The following PDE5A variants were observed in gnomAD, a reference collection of about 807,000 sequenced individuals.
PDE5A encodes the protein cGMP-specific 3',5'-cyclic phosphodiesterase.
A neutral mutation model predicts 110.2 loss-of-function variants in PDE5A; 67 were observed. The observed-to-expected ratio is 0.61, with a 90% confidence interval of 0.50 to 0.75. PDE5A has a LOEUF of 0.75. PDE5A is among the 30% of genes least tolerant of loss of function. The pLI, the probability that PDE5A is intolerant of heterozygous loss-of-function variation, is 0.00. For synonymous variants in PDE5A, 328 were observed against 351.2 expected (o/e 0.93, Z 0.74); for missense variants, 862 against 1,045.1 (o/e 0.82, Z 2.42).
rs148963019 is a variant in PDE5A, at chr4:119,541,088, G to T, written c.1572+1371C>A. On this transcript the variant is annotated intron_variant, in intron 10 of 20. Coordinates refer to ENST00000354960, the MANE Select transcript of PDE5A (RefSeq NM_001083.4). ...GGGAAGGGAAGTGCAGAGGAGTGCG[G>T]TGGGAATGGATGGAGTGATAATGGT... Among the ~76,000 whole-genome samples, 7 of 152,192 alleles carry T rather than the reference G, an allele frequency of 4.6e-5. No homozygotes were observed. The East Asian group carries it at 1.4e-3, about 29-fold the overall frequency.
At chr4:119,620,349 C>G (rs13122502) in intron 1 of PDE5A, among the ~76,000 whole-genome samples, 148,764 of 152,300 alleles carry the variant, frequency 0.98, 72,752 homozygotes, top group East Asian at 1. Context: ...CATCTGAGAA[C>G]CTTAAAATGC....
chr4:119,607,990 T>C (rs1309744512), intron 1 of PDE5A, among the ~76,000 whole-genome samples: 3 of 152,210 alleles, frequency 2.0e-5, no homozygotes, highest in Non-Finnish European at 2.9e-5. Context: ...GTTCTGAAGT[T>C]AAATATTTGA....
At chr4:119,582,261 T>C (rs1185814669) in intron 3 of PDE5A, among the ~76,000 whole-genome samples, 1 of 152,216 alleles carries the variant, frequency 6.6e-6, no homozygotes, top group African/African-American at 2.4e-5. Context: ...ACAGCAGGGA[T>C]AGAGTCCATC....
At chr4:119,588,528 TAAAA>T (rs35632964) in intron 3 of PDE5A, among the ~76,000 whole-genome samples, 29 of 139,672 alleles carry the variant, frequency 2.1e-4, no homozygotes, top group Admixed American at 2.8e-4. Flanking sequence ...TTTGCTTCAT[TAAAA>T]AAAAAAAAAA....
At chr4:119,560,799 A>C (rs542646357) in intron 6 of PDE5A, among the ~76,000 whole-genome samples, 88 of 145,694 alleles carry the variant, frequency 6.0e-4, no homozygotes, top group Middle Eastern at 3.5e-3. Flanking sequence ...AATAACTGTG[A>C]AAATTTTAAC....
Position 119,537,635 on chromosome 4 carries a change from C to A in PDE5A, c.1632+1325G>T, listed in dbSNP as rs575147726. On this transcript the variant is annotated intron_variant, in intron 11 of 20. Coordinates refer to ENST00000354960, the MANE Select transcript of PDE5A (RefSeq NM_001083.4). ...TCTGCATTCTCTCCCAATTGATGCACCCCTATGATTTCACTACCATGGGAT... is the reference window on the plus strand; with the variant it reads ...TCTGCATTCTCTCCCAATTGATGCAACCCTATGATTTCACTACCATGGGAT... Among the ~76,000 whole-genome samples, 7 of 147,942 alleles carry A rather than the reference C, an allele frequency of 4.7e-5. No individual in the cohort carries two copies. The South Asian group carries it at 8.3e-4, about 18-fold the overall frequency.
chr4:119,557,710 G>A (rs1727590988), intron 7 of PDE5A, among the ~76,000 whole-genome samples: 1 of 152,114 alleles, frequency 6.6e-6, no homozygotes, highest in Admixed American at 6.5e-5. Flanking sequence ...TACAGATGAA[G>A]AAACTGAGGC....
At chr4:119,530,043 T>C (rs1310445910) in intron 11 of PDE5A, among the ~76,000 whole-genome samples, 1 of 152,156 alleles carries the variant, frequency 6.6e-6, no homozygotes, top group Non-Finnish European at 1.5e-5. Context: ...GTGATTCTGA[T>C]GAATGCTGAA....
intron 14 of PDE5A, among the ~76,000 whole-genome samples, chr4:119,514,394 C>T (rs746362409): frequency 6.6e-6 from 1 of 152,086 alleles, no homozygotes; most frequent in African/African-American, 2.4e-5. Flanking sequence ...TCTCTAACAA[C>T]CTCTTTGTAA....
intron 14 of PDE5A, chr4:119,512,870 T>C (rs182132591): frequency 1.3e-4 from 20 of 152,146 alleles, no homozygotes; most frequent in Middle Eastern, 3.4e-3. Context: ...GCTGGAGATA[T>C]AGATTTGGAA....
At chr4:119,531,159 C>T (rs930400000) in intron 11 of PDE5A, among the ~76,000 whole-genome samples, 12 of 152,146 alleles carry the variant, frequency 7.9e-5, no homozygotes, top group Admixed American at 2.0e-4. Context: ...ACTGGTTATA[C>T]ATTATGAATA....
chr4:119,565,440 C>T (rs202068257), intron 4 of PDE5A, 30 bp from the exon 5 acceptor site: 68 of 1,477,110 alleles, frequency 4.6e-5, no homozygotes, highest in Non-Finnish European at 5.4e-5. Flanking sequence ...CAAATAAAAA[C>T]GGTACATAAA....
At position 119,602,124 on chromosome 4, in the gene PDE5A, A is replaced by G. The variant is rs115233548; in HGVS notation, c.741+4585T>C. ...TGTTAATAGTCTTGTATCAGATTAG[A>G]TAATAGTATTCTATCAATATAAAAT... On this transcript the variant is annotated intron_variant, in intron 2 of 20. Transcript: ENST00000354960. 5.8e-3 allele frequency among the ~76,000 whole-genome samples: 878 copies of G among 152,256 alleles called. 8 individuals carry two copies. Among genetic ancestry groups the G allele is most frequent in the Non-Finnish European group, 7.7e-3 (521 of 68,022 alleles).
At position 119,494,912 on chromosome 4, in the gene PDE5A, T is replaced by G. The variant is rs1211691455; in HGVS notation, c.*3689A>C. Reference sequence around the variant, plus strand: ...CTTTAATACTTTCTTCTTCACTCTCTGTAGTAGAGCAGAAGGGGTCCAAAA... The same window carrying G: ...CTTTAATACTTTCTTCTTCACTCTCGGTAGTAGAGCAGAAGGGGTCCAAAA... On this transcript the variant is annotated 3_prime_UTR_variant, in exon 21 of 21. Transcript: ENST00000354960. 6.6e-6 allele frequency: 1 copy of G among 152,602 alleles called. No individual in the cohort carries two copies. Among genetic ancestry groups the G allele is most frequent in the Non-Finnish European group, 1.5e-5 (1 of 68,026 alleles). 9.5% of individuals were successfully genotyped at this position (152,602 alleles called of 1,614,324 possible).
chr4:119,509,608 C>T (rs910738746), intron 15 of PDE5A, among the ~76,000 whole-genome samples: 14 of 151,872 alleles, frequency 9.2e-5, no homozygotes, highest in South Asian at 2.1e-4. Flanking sequence ...CCAGAGAAGT[C>T]GTGTATGAAA....
chr4:119,520,907 T>C (rs1340976248), intron 13 of PDE5A, 28 bp downstream of exon 13: 1 of 1,584,638 alleles, frequency 6.3e-7, no homozygotes, highest in East Asian at 2.3e-5. Flanking sequence ...CAAAATGTAT[T>C]AGATATATGA....
At chr4:119,585,465 C>T (rs1728728513) in intron 3 of PDE5A, among the ~76,000 whole-genome samples, 1 of 152,062 alleles carries the variant, frequency 6.6e-6, no homozygotes, top group Admixed American at 6.6e-5. Context: ...ATCGCTTCTC[C>T]TCTGGTAGTT....
chr4:119,567,749 T>G (rs1010162046), intron 3 of PDE5A, among the ~76,000 whole-genome samples: 1 of 152,140 alleles, frequency 6.6e-6, no homozygotes, highest in African/African-American at 2.4e-5. Context: ...AAACAGGAAT[T>G]AACATGCTGA....
rs940089622 is a variant in PDE5A at position 119,565,239 on chromosome 4, T to C, written c.993+82A>G. On this transcript the variant is annotated intron_variant, in intron 5 of 20. Transcript: ENST00000354960. ...GAATCTGTACTATCTAAATTTTTAA[T>C]CATCTGCATACATTACTTGGATAAA... The C allele has an allele frequency of 1.9e-5, 17 of 875,926 alleles. No homozygotes were observed. In the East Asian group the frequency reaches 4.4e-4, roughly 23 times the overall value. The allele number at this position is 875,926 out of a possible 1,614,324, so 54.3% of individuals were successfully genotyped here.
Sources: gnomAD v4.1 joint callset for allele counts (sites outside exome capture counted in the v4.1 genomes callset) on GRCh38, gnomAD v4.1.1 for gene constraint, MANE v1.5 for transcripts, NCBI Gene and HGNC (gene_info 2026-07-23, HGNC 2026-07-21) for gene names.